The following CSE1L variants were observed in gnomAD, a reference collection of about 807,000 sequenced individuals.
CSE1L encodes exportin-2.
A neutral mutation model predicts 120.4 loss-of-function variants in CSE1L; 24 were observed. That is an observed-to-expected ratio of 0.20 (90% confidence interval 0.14 to 0.28). The LOEUF is 0.28. Ranked by LOEUF, CSE1L falls within the 10% of genes least tolerant of loss-of-function variation. The pLI, the probability that CSE1L is intolerant of heterozygous loss-of-function variation, is 1.00. For missense variants in CSE1L, 830 were observed against 1,145.2 expected, an observed-to-expected ratio of 0.72 and a Z score of 3.97; for synonymous variants, 402 against 398.3, an observed-to-expected ratio of 1.01 and a Z score of -0.11.
intron 2 of CSE1L, among the ~76,000 whole-genome samples, chr20:49,059,502 G>C (rs1353608831): frequency 2.0e-5 from 3 of 152,120 alleles, no homozygotes; most frequent in Admixed American, 6.5e-5. Context: ...GACTAGTTTT[G>C]CAAGATCAGA....
chr20:49,086,359 CTTTTTTTTT>C lies in CSE1L; in HGVS notation c.1723+988_1723+996del, dbSNP rs10648977. ...TGTGTAATTATTGTTGTTTAATGTC[CTTTTTTTTT>C]TTTTTTTTTTTTTTGAGATGGAGTT... On this transcript the variant is annotated intron_variant, in intron 16 of 24. Coordinates refer to ENST00000262982, the MANE Select transcript of CSE1L (RefSeq NM_001316.4). 3.9e-5 allele frequency among the ~76,000 whole-genome samples: 3 copies of C among 77,636 alleles called. No homozygotes were observed. The South Asian group carries it at 1.4e-3, about 35-fold the overall frequency. 50.9% of individuals were successfully genotyped at this position (77,636 alleles called of 152,430 possible).
Position 49,060,337 on chromosome 20 carries a change from C to T in CSE1L, c.85+1789C>T, listed in dbSNP as rs780981886. 2.6e-5 allele frequency among the ~76,000 whole-genome samples: 4 copies of T among 151,778 alleles called. No individual in the cohort carries two copies. In the Middle Eastern group the frequency reaches 0.014, roughly 516 times the overall value. On this transcript the variant is annotated intron_variant, in intron 2 of 24. Transcript: ENST00000262982. The stretch of plus-strand genomic sequence containing the variant: ...TCTCTACTAAAAATACAAAAATTAG[C>T]TGGGCGTGGTGGTGCACGGCTGTAG...
At chr20:49,067,161 A>C (rs368091038) in intron 5 of CSE1L, 29 bp from the exon 6 acceptor site, 371 of 1,455,504 alleles carry the variant, frequency 2.5e-4, no homozygotes, top group Non-Finnish European at 3.4e-4. Flanking sequence ...AAAACTTGTA[A>C]ATTTATCTGT....
intron 1 of CSE1L, among the ~76,000 whole-genome samples, chr20:49,058,105 A>AT (rs560301308): frequency 1.4e-3 from 206 of 150,054 alleles, no homozygotes; most frequent in South Asian, 7.2e-3. Context: ...TCCTCCAGTG[A>AT]TTTTTTTTTT....
At chr20:49,058,597 G>A (rs965200625) in intron 2 of CSE1L, 49 bp downstream of exon 2, 2 of 1,411,642 alleles carry the variant, frequency 1.4e-6, no homozygotes, top group East Asian at 2.3e-5. Flanking sequence ...CAGGACAGGT[G>A]AGAGAAACCT....
intron 2 of CSE1L, among the ~76,000 whole-genome samples, chr20:49,061,486 A>ATTTATTTATTTAT (rs55830077): frequency 7.5e-6 from 1 of 132,904 alleles, no homozygotes; most frequent in Non-Finnish European, 1.6e-5. Context: ...AATTATTATT[A>ATTTATTTATTTAT]TTATTTATTT....
intron 24 of CSE1L, 33 bp from the exon 25 acceptor site, chr20:49,096,316 C>T: frequency 6.4e-7 from 1 of 1,554,544 alleles, no homozygotes; most frequent in Non-Finnish European, 8.9e-7. Context: ...CCAAGATCTC[C>T]AACAGCCAGT....
intron 16 of CSE1L, among the ~76,000 whole-genome samples, chr20:49,087,781 C>T (rs2092071486): frequency 6.6e-6 from 1 of 152,102 alleles, no homozygotes; most frequent in African/African-American, 2.4e-5. Flanking sequence ...AAACCTTGAG[C>T]CTTCTAGAAA....
At chr20:49,056,898 T>C (rs1422411487) in intron 1 of CSE1L, among the ~76,000 whole-genome samples, 1 of 151,290 alleles carries the variant, frequency 6.6e-6, no homozygotes, top group Non-Finnish European at 1.5e-5. Flanking sequence ...GTGAAAGCAC[T>C]TAAAATATAC....
At chr20:49,093,903 G>A (rs551812519) in intron 22 of CSE1L, among the ~76,000 whole-genome samples, 1 of 151,540 alleles carries the variant, frequency 6.6e-6, no homozygotes, top group East Asian at 1.9e-4. Flanking sequence ...GGCAACAAGA[G>A]CGAAACTCCG....
At chr20:49,085,937 AT>A (rs1416835809) in intron 16 of CSE1L, among the ~76,000 whole-genome samples, 1 of 151,970 alleles carries the variant, frequency 6.6e-6, no homozygotes, top group Non-Finnish European at 1.5e-5. Context: ...CCTTCCCTAG[AT>A]TGAGTTTCTT....
intron 14 of CSE1L, among the ~76,000 whole-genome samples, chr20:49,081,801 C>G (rs1300430640): frequency 6.6e-6 from 1 of 151,966 alleles, no homozygotes; most frequent in African/African-American, 2.4e-5. Context: ...ATGTCTTTGC[C>G]CAGTAACAAT....
intron 1 of CSE1L, among the ~76,000 whole-genome samples, chr20:49,058,113 T>C (rs1222841392): frequency 6.6e-6 from 1 of 152,238 alleles, no homozygotes; most frequent in African/African-American, 2.4e-5. Context: ...TGATTTTTTT[T>C]TTCTTAACCT....
chr20:49,065,313 A>AATTTT (rs775165525), intron 3 of CSE1L, among the ~76,000 whole-genome samples: 11 of 52,112 alleles, frequency 2.1e-4, no homozygotes, highest in Admixed American at 3.1e-4. Flanking sequence ...TGAAAAAAAA[A>AATTTT]TTTTTTTTTT....
At chr20:49,046,851 C>T (rs917061662) in intron 1 of CSE1L, among the ~76,000 whole-genome samples, 15 of 152,236 alleles carry the variant, frequency 9.9e-5, no homozygotes, top group Admixed American at 2.6e-4. Context: ...GCTGAGTGTG[C>T]GGCGGCGAGG....
At chr20:49,096,091 T>C in intron 24 of CSE1L, 1 of 637,130 alleles carries the variant, frequency 1.6e-6, no homozygotes, top group South Asian at 1.6e-5. Flanking sequence ...TTATTCTACA[T>C]CATTAACCAG....
chr20:49,051,968 T>A (rs368340245), intron 1 of CSE1L, among the ~76,000 whole-genome samples: 2 of 152,228 alleles, frequency 1.3e-5, no homozygotes, highest in South Asian at 4.1e-4. Context: ...AGCGCTGGGA[T>A]TACAGGCATG....
chr20:49,080,579 C>T (rs1368701257), intron 14 of CSE1L, among the ~76,000 whole-genome samples: 1 of 152,090 alleles, frequency 6.6e-6, no homozygotes, highest in African/African-American at 2.4e-5. Context: ...CGAGTTCAAG[C>T]GATTTTCTTG....
intron 16 of CSE1L, among the ~76,000 whole-genome samples, chr20:49,085,589 T>TTTTTTTTTG (rs11474758): frequency 3.6e-5 from 5 of 138,666 alleles, no homozygotes; most frequent in Admixed American, 1.5e-4. Context: ...TTTTTTTTTT[T>TTTTTTTTTG]GAGATGGAGC....
Sources: gnomAD v4.1 joint callset for allele counts (sites outside exome capture counted in the v4.1 genomes callset) on GRCh38, gnomAD v4.1.1 for gene constraint, MANE v1.5 for transcripts, NCBI Gene and HGNC (gene_info 2026-07-23, HGNC 2026-07-21) for gene names.